GATAD2B: variants seen among roughly 807,000 people sequenced by gnomAD.
The protein encoded by GATAD2B is GATA zinc finger domain containing 2B.
In GATAD2B, 8 loss-of-function variants were observed where a neutral mutation model predicts 64.3. That is an observed-to-expected ratio of 0.12 (90% CI 0.07 to 0.22). The LOEUF (loss-of-function observed/expected upper bound fraction) is 0.22. Ranked by LOEUF, GATAD2B falls within the 10% of genes least tolerant of loss-of-function variation. The pLI is 1.00. For missense variants in GATAD2B, 453 were observed against 752.0 expected, an observed-to-expected ratio of 0.60 and a Z score of 4.65; for synonymous variants, 281 against 271.3, an observed-to-expected ratio of 1.04 and a Z score of -0.35.
At chr1:153,834,212 G>T (rs988639783) in intron 1 of GATAD2B, among the ~76,000 whole-genome samples, 6 of 151,254 alleles carry the variant, frequency 4.0e-5, no homozygotes, top group African/African-American at 1.5e-4. Context: ...CACCGTGTCA[G>T]CCAGGATGGT....
At chr1:153,886,234 G>T (rs1025140539) in intron 1 of GATAD2B, among the ~76,000 whole-genome samples, 2 of 152,118 alleles carry the variant, frequency 1.3e-5, no homozygotes, top group Non-Finnish European at 2.9e-5. Context: ...ACATGATTAG[G>T]TGATTTCACC....
chr1:153,851,022 T>A (rs1187773255), intron 1 of GATAD2B, among the ~76,000 whole-genome samples: 1 of 152,140 alleles, frequency 6.6e-6, no homozygotes, highest in Non-Finnish European at 1.5e-5. Context: ...TAATGTTGAC[T>A]ATAGGTACAG....
intron 2 of GATAD2B, among the ~76,000 whole-genome samples, chr1:153,824,612 T>TATA (rs1674804793): frequency 1.0e-5 from 1 of 96,698 alleles, no homozygotes; most frequent in South Asian, 3.7e-4. Context: ...ACTCTGCCTT[T>TATA]AAAAAAAAAA....
intron 1 of GATAD2B, among the ~76,000 whole-genome samples, chr1:153,918,159 G>A (rs1678329495): frequency 6.6e-6 from 1 of 152,218 alleles, no homozygotes; most frequent in African/African-American, 2.4e-5. Context: ...AATGGAAGAG[G>A]TTGGGGAGGG....
At chr1:153,845,310 A>T (rs570670163) in intron 1 of GATAD2B, among the ~76,000 whole-genome samples, 1 of 152,056 alleles carries the variant, frequency 6.6e-6, no homozygotes, top group Non-Finnish European at 1.5e-5. Flanking sequence ...CAAGCACAGG[A>T]GGCTGAGGCT....
At chr1:153,822,744 G>A (rs970786562) in intron 2 of GATAD2B, among the ~76,000 whole-genome samples, 1 of 152,084 alleles carries the variant, frequency 6.6e-6, no homozygotes, top group Admixed American at 6.6e-5. Flanking sequence ...TGATCCGCCC[G>A]CCTCAGCCTC....
intron 1 of GATAD2B, among the ~76,000 whole-genome samples, chr1:153,871,498 A>T (rs1018764014): frequency 1.3e-5 from 2 of 152,078 alleles, no homozygotes; most frequent in African/African-American, 4.8e-5. Flanking sequence ...CACTGTACCC[A>T]GCCAGAGAAA....
chr1:153,817,989 C>A (rs1674542326), intron 5 of GATAD2B, 51 bp downstream of exon 5: 4 of 1,474,730 alleles, frequency 2.7e-6, no homozygotes, highest in Non-Finnish European at 9.1e-7. Context: ...AAAACAGAGA[C>A]AGGATTAGAC....
At chr1:153,895,571 C>T (rs924847009) in intron 1 of GATAD2B, among the ~76,000 whole-genome samples, 14 of 150,292 alleles carry the variant, frequency 9.3e-5, no homozygotes, top group African/African-American at 3.2e-4. Flanking sequence ...CAGAGTGAGA[C>T]CCCGTCTCCC....
At chr1:153,846,539 C>T (rs1033830250) in intron 1 of GATAD2B, among the ~76,000 whole-genome samples, 1 of 149,958 alleles carries the variant, frequency 6.7e-6, no homozygotes, top group Non-Finnish European at 1.5e-5. Flanking sequence ...TGTCCAACCC[C>T]TTCTTGTTCT....
intron 1 of GATAD2B, among the ~76,000 whole-genome samples, chr1:153,881,630 A>G (rs1677013211): frequency 6.6e-6 from 1 of 152,240 alleles, no homozygotes; most frequent in South Asian, 2.1e-4. Flanking sequence ...GCAAAGAAAA[A>G]TAAGGATTGG....
chr1:153,855,306 G>GT lies in GATAD2B; in HGVS notation c.-1-26959dup. Among the ~76,000 whole-genome samples, 3 of 151,614 alleles carry GT rather than the reference G, an allele frequency of 2.0e-5. No homozygotes were observed. The Middle Eastern group carries it at 0.01, about 519-fold the overall frequency. ...CTGGAGTGCAAGATCTCAGCTCACT[G>GT]TAACTTCTGCCTCCTGGGCTCAAGT... is the stretch of plus-strand genomic sequence containing the variant. On this transcript the variant is annotated intron_variant, in intron 1 of 10. Coordinates refer to ENST00000368655, the MANE Select transcript of GATAD2B (RefSeq NM_020699.4).
chr1:153,921,160 G>A (rs1001623391), intron 1 of GATAD2B, among the ~76,000 whole-genome samples: 3 of 152,204 alleles, frequency 2.0e-5, no homozygotes, highest in African/African-American at 7.2e-5. Context: ...GCAAGGAAGA[G>A]TTCAGGTCAG....
chr1:153,862,888 C>T (rs371538935), intron 1 of GATAD2B, among the ~76,000 whole-genome samples: 88 of 152,012 alleles, frequency 5.8e-4, no homozygotes, highest in African/African-American at 2.1e-3. Context: ...CCATACCCGG[C>T]TAATTTTGTA....
At chr1:153,884,411 C>G (rs1234089478) in intron 1 of GATAD2B, among the ~76,000 whole-genome samples, 1 of 152,004 alleles carries the variant, frequency 6.6e-6, no homozygotes, top group East Asian at 1.9e-4. Flanking sequence ...CCACTGCACT[C>G]CAGCCTGGGC....
chr1:153,817,414 G>A lies in GATAD2B; in HGVS notation c.858C>T (p.Arg286=), dbSNP rs1674514988. The change falls in exon 6 of 11, where the codon CGC becomes CGT. Residue 286 remains arginine (R), a synonymous_variant. Transcript: ENST00000368655. ...QRGPPKPGLV[R]TTTPNMNPAI... ...CGGGATTCATGTTGGGTGTTGTGGT[G>A]CGTACAAGGCCAGGCTTAGGCGGGC... The A allele has an allele frequency of 1.2e-6, 2 of 1,603,888 alleles. No homozygotes were observed. Among genetic ancestry groups the A allele is most frequent in the East Asian group, 2.2e-5 (1 of 44,516 alleles).
At chr1:153,884,793 C>T (rs999962469) in intron 1 of GATAD2B, among the ~76,000 whole-genome samples, 6 of 151,872 alleles carry the variant, frequency 4.0e-5, no homozygotes, top group Non-Finnish European at 8.8e-5. Context: ...AGTCTCGCTC[C>T]GTTGCCCAGC....
At chr1:153,879,860 CACT>C (rs1213334602) in intron 1 of GATAD2B, among the ~76,000 whole-genome samples, 6 of 151,096 alleles carry the variant, frequency 4.0e-5, no homozygotes, top group African/African-American at 1.5e-4. Flanking sequence ...AAGACACAAT[CACT>C]ACAACTGAAC....
At chr1:153,913,968 A>G (rs1404891742) in intron 1 of GATAD2B, among the ~76,000 whole-genome samples, 1 of 145,638 alleles carries the variant, frequency 6.9e-6, no homozygotes, top group Non-Finnish European at 1.5e-5. Context: ...CAAGGGGCCG[A>G]GCACAGTGGC....
Sources: allele counts gnomAD v4.1 joint callset (sites outside exome capture counted in the v4.1 genomes callset), GRCh38; gene constraint gnomAD v4.1.1; transcripts MANE v1.5; gene names NCBI Gene and HGNC (gene_info 2026-07-23, HGNC 2026-07-21).